The following FAM167A variants were observed in gnomAD, a reference collection of about 807,000 sequenced individuals.
The protein encoded by FAM167A is protein FAM167A.
Under a neutral mutation model 14.9 loss-of-function variants are expected in FAM167A, and 23 were observed. The ratio of observed to expected loss-of-function variants is 1.55; its 90% confidence interval spans 1.11 to 2.19. FAM167A has a LOEUF of 2.19. Among genes scored for constraint, FAM167A ranks in the 30% most tolerant of loss-of-function variants. The pLI is 0.00. For missense variants in FAM167A, 401 were observed against 281.5 expected (o/e 1.42, Z -3.04); for synonymous variants, 174 against 117.7 (o/e 1.48, Z -3.10).
At position 11,438,032 on chromosome 8, in the gene FAM167A, C is replaced by T. The variant is rs1194707474; in HGVS notation, c.381+5999G>A. The T allele has an allele frequency of 1.8e-5, 7 of 386,732 alleles. No homozygotes were observed. In the Admixed American group the frequency reaches 2.4e-4, roughly 13 times the overall value. The allele number at this position is 386,732 out of a possible 1,614,324, so 24.0% of individuals were successfully genotyped here. On this transcript the variant is annotated intron_variant, in intron 2 of 2. Coordinates refer to ENST00000284486, the MANE Select transcript of FAM167A (RefSeq NM_053279.3). The stretch of plus-strand genomic sequence containing the variant: ...ACTGTGTTTATGTGCCTGTCTTCTC[C>T]TTCGAAGGGAAACTTCACAAAGACA...
intron 2 of FAM167A, chr8:11,438,635 T>A: frequency 2.5e-6 from 1 of 407,962 alleles, no homozygotes; most frequent in Non-Finnish European, 4.8e-6. Flanking sequence ...CACTCAGAAA[T>A]AAAGATCATC....
At chr8:11,465,693 G>A (rs1189623900) in intron 1 of FAM167A, among the ~76,000 whole-genome samples, 2 of 152,196 alleles carry the variant, frequency 1.3e-5, no homozygotes, top group Non-Finnish European at 2.9e-5. Flanking sequence ...GCTTAGTGAG[G>A]GGCAGGACTG....
chr8:11,454,881 C>T (rs927100835), intron 1 of FAM167A, among the ~76,000 whole-genome samples: 3 of 152,178 alleles, frequency 2.0e-5, no homozygotes, highest in African/African-American at 7.2e-5. Context: ...CAGCCCTGGG[C>T]CCCACAGAGC....
chr8:11,430,861 T>C (rs1805531918), intron 2 of FAM167A, among the ~76,000 whole-genome samples: 1 of 151,972 alleles, frequency 6.6e-6, no homozygotes, highest in Admixed American at 6.5e-5. Context: ...CATAGAAAAG[T>C]CTAATGCATC....
intron 1 of FAM167A, chr8:11,445,056 A>T: frequency 2.2e-6 from 2 of 914,354 alleles, no homozygotes; most frequent in Non-Finnish European, 2.6e-6. Context: ...CTACTATCTT[A>T]TTTAATGCCC....
intron 2 of FAM167A, 79 bp from the exon 3 acceptor site, chr8:11,424,715 C>G (rs1805014987): frequency 4.5e-6 from 7 of 1,547,544 alleles, no homozygotes; most frequent in Non-Finnish European, 6.1e-6. Flanking sequence ...TAGCAGGGCC[C>G]TGACTAATGT....
chr8:11,429,086 C>G (rs903698938), intron 2 of FAM167A, among the ~76,000 whole-genome samples: 1 of 152,080 alleles, frequency 6.6e-6, no homozygotes, highest in Non-Finnish European at 1.5e-5. Flanking sequence ...TTTTATCGTT[C>G]TAAACAGAAA....
At chr8:11,474,394 G>T (rs971882891) in intron 1 of FAM167A, among the ~76,000 whole-genome samples, 1 of 152,190 alleles carries the variant, frequency 6.6e-6, no homozygotes, top group African/African-American at 2.4e-5. Flanking sequence ...GACGGCGCAT[G>T]GAACAGACAA....
At chr8:11,472,888 G>T (rs1808003824) in intron 1 of FAM167A, among the ~76,000 whole-genome samples, 1 of 152,236 alleles carries the variant, frequency 6.6e-6, no homozygotes, top group African/African-American at 2.4e-5. Context: ...CTGGGCAGAG[G>T]CAGGAGGCCG....
At chr8:11,443,175 C>G (rs1461861158) in intron 2 of FAM167A, among the ~76,000 whole-genome samples, 2 of 152,166 alleles carry the variant, frequency 1.3e-5, no homozygotes, top group African/African-American at 4.8e-5. Flanking sequence ...TAGCTTCATG[C>G]CTGGTGCTGC....
rs182566273 is a variant in FAM167A at position 11,431,851 on chromosome 8, C to A, written c.382-7215G>T. Among the ~76,000 whole-genome samples, 234 of 120,980 alleles carry A rather than the reference C, an allele frequency of 1.9e-3. 1 individual carries two copies. The highest frequency in any genetic ancestry group is 7.1e-3 in the African/African-American group (217 of 30,620). The allele number at this position is 120,980 out of a possible 152,430, so 79.4% of individuals were successfully genotyped here. ...GTAGAAGGGCCTCTCTGGGGGGTTACTGGAGATGGGGGCCACAGAAGGAGG... is the reference window on the plus strand; with the variant it reads ...GTAGAAGGGCCTCTCTGGGGGGTTAATGGAGATGGGGGCCACAGAAGGAGG... On this transcript the variant is annotated intron_variant, in intron 2 of 2. Coordinates refer to ENST00000284486, the MANE Select transcript of FAM167A (RefSeq NM_053279.3).
intron 1 of FAM167A, among the ~76,000 whole-genome samples, chr8:11,475,219 C>T (rs1797833430): frequency 6.6e-6 from 1 of 152,144 alleles, no homozygotes. Context: ...TCCTCTGGGA[C>T]CCCCTCCCTG....
At chr8:11,452,503 A>T (rs13439415) in intron 1 of FAM167A, among the ~76,000 whole-genome samples, 48,730 of 152,042 alleles carry the variant, frequency 0.32, 8,590 homozygotes, top group Middle Eastern at 0.47. Flanking sequence ...CAGAGGCAGA[A>T]AGAGCATGAA....
chr8:11,444,331 G>A lies in FAM167A; in HGVS notation c.81C>T (p.Leu27=), dbSNP rs775338153. 97 of 1,610,638 alleles carry A rather than the reference G, an allele frequency of 6.0e-5. No individual in the cohort carries two copies. The highest frequency in any genetic ancestry group is 3.4e-4 in the Middle Eastern group (2 of 5,942). ...TCTCGGTGAGGGCCTTCAGGCTCCG[G>A]AGGTGGTCATCGGGTGGTGCGGCTG... ...AGAAAPPDDH[L]RSLKALTEKL... The change falls in exon 2 of 3, where the codon CTC becomes CTT. Residue 27 remains leucine, a synonymous_variant. Transcript: ENST00000284486.
intron 1 of FAM167A, among the ~76,000 whole-genome samples, chr8:11,462,551 A>G (rs1807582696): frequency 6.6e-6 from 1 of 151,178 alleles, no homozygotes; most frequent in Admixed American, 6.6e-5. Context: ...GCAGAACAGC[A>G]TTTTACTGTG....
intron 2 of FAM167A, among the ~76,000 whole-genome samples, chr8:11,430,946 C>T (rs1470620247): frequency 2.0e-5 from 3 of 152,188 alleles, no homozygotes; most frequent in African/African-American, 7.2e-5. Context: ...GACTCCTACC[C>T]TCGGAGCTGG....
intron 2 of FAM167A, among the ~76,000 whole-genome samples, chr8:11,441,426 A>G (rs890428167): frequency 3.3e-5 from 5 of 152,244 alleles, no homozygotes; most frequent in African/African-American, 1.2e-4. Flanking sequence ...AGGGACCAGA[A>G]TCTTCATCTG....
At chr8:11,459,503 C>T (rs1807453036) in intron 1 of FAM167A, among the ~76,000 whole-genome samples, 3 of 152,160 alleles carry the variant, frequency 2.0e-5, no homozygotes, top group East Asian at 3.9e-4. Context: ...AAGAAGAGAC[C>T]GAGCGCCTCG....
chr8:11,457,860 G>A (rs1430648466), intron 1 of FAM167A, among the ~76,000 whole-genome samples: 2 of 152,194 alleles, frequency 1.3e-5, no homozygotes, highest in African/African-American at 4.8e-5. Flanking sequence ...CATGCTGACT[G>A]CACACTGGCC....
Sources: gnomAD v4.1 joint callset for allele counts (sites outside exome capture counted in the v4.1 genomes callset) on GRCh38, gnomAD v4.1.1 for gene constraint, MANE v1.5 for transcripts, NCBI Gene and HGNC (gene_info 2026-07-23, HGNC 2026-07-21) for gene names.